The following FRMD6 variants were observed in gnomAD, a reference collection of about 807,000 sequenced individuals.
The protein encoded by FRMD6 is FERM domain-containing protein 6.
FRMD6 carries 37 observed loss-of-function variants against 73.2 expected under a neutral mutation model. That is an observed-to-expected ratio of 0.51 (90% CI 0.39 to 0.66). FRMD6 has a LOEUF of 0.66. FRMD6 is among the 30% of genes least tolerant of loss of function. The pLI, the probability that FRMD6 is intolerant of heterozygous loss-of-function variation, is 0.00. For synonymous variants in FRMD6, 273 were observed against 282.2 expected, an observed-to-expected ratio of 0.97 and a Z score of 0.33; for missense variants, 714 against 780.5, an observed-to-expected ratio of 0.91 and a Z score of 1.02.
intron 10 of FRMD6, among the ~76,000 whole-genome samples, chr14:51,719,850 G>C (rs1329272864): frequency 6.6e-6 from 1 of 152,126 alleles, no homozygotes; most frequent in Non-Finnish European, 1.5e-5. Flanking sequence ...AAACTAAGTA[G>C]TTTAAATATC....
At chr14:51,723,218 A>G (rs1478531309) in intron 12 of FRMD6, among the ~76,000 whole-genome samples, 1 of 152,194 alleles carries the variant, frequency 6.6e-6, no homozygotes, top group African/African-American at 2.4e-5. Context: ...TAAATTCACA[A>G]TTATATGCAC....
intron 1 of FRMD6, among the ~76,000 whole-genome samples, chr14:51,652,649 G>C (rs1281683564): frequency 6.6e-6 from 1 of 152,238 alleles, no homozygotes; most frequent in Non-Finnish European, 1.5e-5. Flanking sequence ...GCAGATCGGC[G>C]CCAGACGGGG....
At chr14:51,678,210 A>C (rs1264748815) in intron 1 of FRMD6, among the ~76,000 whole-genome samples, 1 of 152,152 alleles carries the variant, frequency 6.6e-6, no homozygotes, top group Non-Finnish European at 1.5e-5. Flanking sequence ...TCATACAGTT[A>C]GTATTAATAA....
chr14:51,414,990 C>T, the FRMD6 span, among the ~76,000 whole-genome samples: 1 of 152,170 alleles, frequency 6.6e-6, no homozygotes, highest in Non-Finnish European at 1.5e-5. Context: ...GTGATTTCTG[C>T]ACTCTGATTT....
intron 2 of FRMD6, among the ~76,000 whole-genome samples, chr14:51,583,850 G>A (rs1323094392): frequency 6.6e-6 from 1 of 152,200 alleles, no homozygotes; most frequent in Non-Finnish European, 1.5e-5. Context: ...GCTGTGAAGA[G>A]GATGGAATTG....
At chr14:51,462,902 C>T in the FRMD6 span, among the ~76,000 whole-genome samples, 1 of 152,138 alleles carries the variant, frequency 6.6e-6, no homozygotes, top group Non-Finnish European at 1.5e-5. Flanking sequence ...TGTGCCACAA[C>T]TTGTTATGTG....
chr14:51,620,619 C>A (rs1251426185), intron 2 of FRMD6, among the ~76,000 whole-genome samples: 4 of 152,184 alleles, frequency 2.6e-5, no homozygotes, highest in African/African-American at 9.7e-5. Context: ...TCTCTTGACC[C>A]CTAGGAATGT....
chr14:51,553,447 A>G (rs1242864502), intron 1 of FRMD6, among the ~76,000 whole-genome samples: 2 of 152,360 alleles, frequency 1.3e-5, no homozygotes, highest in East Asian at 1.9e-4. Context: ...AAAATGCTTT[A>G]TGAGGGAAAT....
chr14:51,720,060 A>G lies in FRMD6; in HGVS notation c.1030A>G (p.Lys344Glu), dbSNP rs541172472. Residue 344 changes from lysine to glutamate, a missense_variant, in exon 11 of 14, where the codon AAG (lysine) becomes GAG (glutamate). Lys to Glu is a moderately conservative substitution (Grantham distance 56, BLOSUM62 1). Coordinates refer to ENST00000344768, the MANE Select transcript of FRMD6 (RefSeq NM_001267046.2). ...IRKLEENEEK[K>E]QYRESYISDN... ...CTGTGTTCCCCACCACGTAGAGAAGAAGCAGTACCGGGAATCTTACATCAG... is the reference window on the plus strand; with the variant it reads ...CTGTGTTCCCCACCACGTAGAGAAGGAGCAGTACCGGGAATCTTACATCAG... The G allele has an allele frequency of 6.2e-7, 1 of 1,609,992 alleles. No homozygotes were observed. The highest frequency in any genetic ancestry group is 2.2e-5 in the East Asian group (1 of 44,824).
chr14:51,602,456 C>A (rs1890077504), intron 2 of FRMD6, among the ~76,000 whole-genome samples: 1 of 152,140 alleles, frequency 6.6e-6, no homozygotes, highest in Non-Finnish European at 1.5e-5. Flanking sequence ...TTTCACATTT[C>A]TAAATGATTA....
chr14:51,637,989 T>A (rs1891646869), intron 2 of FRMD6: 1 of 152,120 alleles, frequency 6.6e-6, no homozygotes, highest in Non-Finnish European at 1.5e-5. Flanking sequence ...CTTTAAGAAA[T>A]AAAGTCTGCC....
At chr14:51,650,123 T>C (rs1481665943), upstream of FRMD6, 1 of 152,208 alleles carries the variant, frequency 6.6e-6, no homozygotes, top group African/African-American at 2.4e-5. Context: ...ATAAGTACAG[T>C]ATCCTTAGAA....
chr14:51,414,035 T>C, the FRMD6 span, among the ~76,000 whole-genome samples: 1 of 152,252 alleles, frequency 6.6e-6, no homozygotes, highest in African/African-American at 2.4e-5. Flanking sequence ...TTAAGCCCTT[T>C]GTAGATTCTG....
chr14:51,597,794 G>A (rs1889805076), intron 2 of FRMD6, among the ~76,000 whole-genome samples: 1 of 152,214 alleles, frequency 6.6e-6, no homozygotes, highest in Non-Finnish European at 1.5e-5. Context: ...CTCTAAGATG[G>A]TTCCAATTCC....
At chr14:51,648,021 C>T (rs1050352632), upstream of FRMD6, among the ~76,000 whole-genome samples, 23 of 152,150 alleles carry the variant, frequency 1.5e-4, no homozygotes, top group African/African-American at 5.6e-4. Context: ...GATGGGGTTT[C>T]TCCATGTTGG....
the FRMD6 span, among the ~76,000 whole-genome samples, chr14:51,467,190 A>T: frequency 1.3e-4 from 20 of 152,116 alleles, no homozygotes; most frequent in South Asian, 2.1e-4. Flanking sequence ...TGCTGCCTTC[A>T]AGCATCTGTT....
At chr14:51,419,520 A>T in the FRMD6 span, among the ~76,000 whole-genome samples, 1,319 of 152,252 alleles carry the variant, frequency 8.7e-3, 22 homozygotes, top group African/African-American at 0.029. Context: ...TGGGCAAAAT[A>T]TGGGGGAGGC....
intron 2 of FRMD6, among the ~76,000 whole-genome samples, chr14:51,610,369 C>T (rs1199931404): frequency 1.4e-5 from 2 of 147,800 alleles, no homozygotes; most frequent in Non-Finnish European, 3.0e-5. Context: ...TCTTTGGTGA[C>T]TTGCAAACAG....
At chr14:51,525,199 T>C (rs1194520006) in intron 1 of FRMD6, among the ~76,000 whole-genome samples, 1 of 151,832 alleles carries the variant, frequency 6.6e-6, no homozygotes, top group Non-Finnish European at 1.5e-5. Context: ...TAAAGGTTTT[T>C]AAGTACAAAC....
Sources: allele counts gnomAD v4.1 joint callset (sites outside exome capture counted in the v4.1 genomes callset), GRCh38; gene constraint gnomAD v4.1.1; transcripts MANE v1.5; gene names NCBI Gene and HGNC (gene_info 2026-07-23, HGNC 2026-07-21).